Variants in FRY observed in about 807,000 individuals in gnomAD.
FRY encodes the protein protein furry homolog.
Under a neutral mutation model 348.4 loss-of-function variants are expected in FRY, and 128 were observed. The ratio of observed to expected loss-of-function variants is 0.37; its 90% CI spans 0.32 to 0.43. The LOEUF is 0.43. Ranked by LOEUF, FRY falls within the 20% of genes least tolerant of loss-of-function variation. The pLI is 1.00. For synonymous variants in FRY, 1,370 were observed against 1,374.7 expected (o/e 1.00, Z 0.08); for missense variants, 2,736 against 3,695.2 (o/e 0.74, Z 6.73).
At chr13:32,153,032 C>G (rs1343233298) in intron 14 of FRY, among the ~76,000 whole-genome samples, 1 of 152,126 alleles carries the variant, frequency 6.6e-6, no homozygotes, top group Non-Finnish European at 1.5e-5. Context: ...TAAGGAAATT[C>G]AATTTAAAAC....
chr13:32,186,128 A>G, intron 26 of FRY, 132 bp from the exon 27 acceptor site: 1 of 752,230 alleles, frequency 1.3e-6, no homozygotes, highest in Non-Finnish European at 2.3e-6. Context: ...TTTTAAGTGC[A>G]TGTTTCATTG....
chr13:32,183,636 CG>C (rs1882844813), intron 24 of FRY, among the ~76,000 whole-genome samples: 1 of 151,966 alleles, frequency 6.6e-6, no homozygotes, highest in Admixed American at 6.6e-5. Context: ...ATTAGCTGGG[CG>C]TGGTGGCACG....
chr13:32,131,923 G>A lies in FRY; in HGVS notation c.885+83G>A, dbSNP rs564587835. The A allele has an allele frequency of 4.8e-5, 51 of 1,059,016 alleles. 1 individual carries two copies. The highest frequency in any genetic ancestry group is 4.6e-4 in the Admixed American group (27 of 59,196). 65.6% of individuals were successfully genotyped at this position (1,059,016 alleles called of 1,614,324 possible). ...AAATGATGAACCTGGAACATGAAAA[G>A]CCAATTACTTGTCAATACGGAGAAA... is the stretch of plus-strand genomic sequence containing the variant. On this transcript the variant is annotated intron_variant, in intron 8 of 60. Transcript: ENST00000542859.
intron 53 of FRY, among the ~76,000 whole-genome samples, chr13:32,263,504 A>T (rs1185464802): frequency 6.6e-6 from 1 of 152,190 alleles, no homozygotes; most frequent in African/African-American, 2.4e-5. Flanking sequence ...TCTTGGAATT[A>T]GCAGAGTTCT....
chr13:32,111,500 AAAG>A (rs1160440620), intron 3 of FRY, among the ~76,000 whole-genome samples: 29 of 152,306 alleles, frequency 1.9e-4, no homozygotes, highest in South Asian at 1.0e-3. Context: ...CATCTCAAAA[AAAG>A]AAGAAGGAGA....
intron 47 of FRY, among the ~76,000 whole-genome samples, chr13:32,246,129 C>T (rs1017968314): frequency 6.6e-6 from 1 of 152,214 alleles, no homozygotes; most frequent in African/African-American, 2.4e-5. Context: ...TTTAATGAGG[C>T]TGTCCATTTT....
chr13:32,205,675 CAG>C (rs1160953605), intron 31 of FRY, among the ~76,000 whole-genome samples: 1 of 151,966 alleles, frequency 6.6e-6, no homozygotes, highest in Non-Finnish European at 1.5e-5. Context: ...GCTCTGTAAA[CAG>C]AGAGAGCATC....
chr13:32,191,669 G>C (rs1477504335), intron 28 of FRY, among the ~76,000 whole-genome samples: 1 of 152,190 alleles, frequency 6.6e-6, no homozygotes, highest in Non-Finnish European at 1.5e-5. Context: ...GGTGCTGGCA[G>C]ATTTATGTCT....
chr13:32,222,316 C>G (rs551698379), intron 36 of FRY, among the ~76,000 whole-genome samples: 1 of 152,164 alleles, frequency 6.6e-6, no homozygotes, highest in East Asian at 1.9e-4. Context: ...AGGGGGAAGA[C>G]CTTGTAAGGC....
At chr13:32,186,208 C>T (rs1593712035) in intron 26 of FRY, 52 bp from the exon 27 acceptor site, 4 of 1,244,522 alleles carry the variant, frequency 3.2e-6, no homozygotes, top group East Asian at 2.3e-5. Context: ...TATATAATAG[C>T]GATATACAGT....
intron 11 of FRY, among the ~76,000 whole-genome samples, chr13:32,144,681 TA>T: frequency 6.6e-6 from 1 of 152,210 alleles, no homozygotes; most frequent in South Asian, 2.1e-4. Flanking sequence ...ACAAGTAACA[TA>T]AAGGCAAAAG....
At position 32,297,356 on chromosome 13, in the gene FRY, G is replaced by A. The variant is rs2072079563; in HGVS notation, c.*1896G>A. ...CTCTGAAAAATATCATAAAATAAAG[G>A]TTTCTGTGGCTAACCACAGTAGACA... On this transcript the variant is annotated 3_prime_UTR_variant, in exon 61 of 61. Transcript: ENST00000542859. 6.6e-6 allele frequency: 1 copy of A among 151,896 alleles called. No homozygotes were observed. Among genetic ancestry groups the A allele is most frequent in the Non-Finnish European group, 1.5e-5 (1 of 67,964 alleles). The allele number at this position is 151,896 out of a possible 1,614,324, so 9.4% of individuals were successfully genotyped here. A position where few individuals can be genotyped will look rare whatever the true frequency, so the allele number is the denominator to read the frequency against.
intron 1 of FRY, among the ~76,000 whole-genome samples, chr13:32,076,734 G>C (rs1470613105): frequency 6.6e-6 from 1 of 152,164 alleles, no homozygotes; most frequent in African/African-American, 2.4e-5. Flanking sequence ...GATTTATTGA[G>C]TATTATCTGT....
At chr13:32,200,012 G>C (rs1024690016) in intron 29 of FRY, among the ~76,000 whole-genome samples, 6 of 152,194 alleles carry the variant, frequency 3.9e-5, no homozygotes, top group Non-Finnish European at 7.3e-5. Context: ...ACAGAGTCCT[G>C]AGATGGCTCA....
At chr13:32,171,596 G>A (rs1057173233) in intron 18 of FRY, among the ~76,000 whole-genome samples, 3 of 152,098 alleles carry the variant, frequency 2.0e-5, no homozygotes, top group Non-Finnish European at 4.4e-5. Context: ...ACAGGTGTGA[G>A]CCACCATGCC....
chr13:32,054,319 T>C (rs1873503172), intron 1 of FRY, among the ~76,000 whole-genome samples: 1 of 152,154 alleles, frequency 6.6e-6, no homozygotes, highest in Non-Finnish European at 1.5e-5. Context: ...TGTTATTAAT[T>C]GTATAAATGC....
chr13:32,086,948 AT>A (rs748880302), intron 2 of FRY, among the ~76,000 whole-genome samples: 58 of 152,178 alleles, frequency 3.8e-4, no homozygotes, highest in Admixed American at 4.6e-4. Flanking sequence ...CAGGCAGGAT[AT>A]TTTAGACATT....
intron 1 of FRY, among the ~76,000 whole-genome samples, chr13:32,040,125 G>A (rs1465582007): frequency 6.6e-6 from 1 of 152,178 alleles, no homozygotes; most frequent in African/African-American, 2.4e-5. Flanking sequence ...TATTTTGGCA[G>A]CCATGAAAAG....
chr13:32,298,449 G>C lies in FRY; in HGVS notation c.*2989G>C, dbSNP rs2138675609. The C allele has an allele frequency of 1.3e-5, 2 of 152,280 alleles. No individual in the cohort carries two copies. The highest frequency in any genetic ancestry group is 4.1e-4 in the South Asian group (2 of 4,826). 9.4% of individuals were successfully genotyped at this position (152,280 alleles called of 1,614,324 possible). On this transcript the variant is annotated 3_prime_UTR_variant, in exon 61 of 61. Transcript: ENST00000542859. ...CTATCATGACCCAGGATATTTCTTTGTTCAGCAAATATTTATTGCATGCCC... is the reference window on the plus strand; with the variant it reads ...CTATCATGACCCAGGATATTTCTTTCTTCAGCAAATATTTATTGCATGCCC...
Sources: allele counts gnomAD v4.1 joint callset (sites outside exome capture counted in the v4.1 genomes callset), GRCh38; gene constraint gnomAD v4.1.1; transcripts MANE v1.5; gene names NCBI Gene and HGNC (gene_info 2026-07-23, HGNC 2026-07-21).